Variants in ELF4 observed in about 807,000 individuals in gnomAD.
ELF4 encodes ETS-related transcription factor Elf-4.
A neutral mutation model predicts 31.7 loss-of-function variants in ELF4; 10 were observed. The ratio of observed to expected loss-of-function variants is 0.32; its 90% CI spans 0.19 to 0.54. The LOEUF is 0.54. Among genes scored for constraint, ELF4 ranks in the 20% least tolerant of loss-of-function variants. ELF4 has a pLI of 0.95. For missense variants in ELF4, 418 were observed against 522.0 expected, an observed-to-expected ratio of 0.80 and a Z score of 1.94; for synonymous variants, 208 against 226.7, an observed-to-expected ratio of 0.92 and a Z score of 0.74.
intron 1 of ELF4, among the ~76,000 whole-genome samples, chrX:130,098,588 G>A (rs1933191754): frequency 8.9e-6 from 1 of 111,746 alleles, no homozygotes; most frequent in Non-Finnish European, 1.9e-5. Flanking sequence ...GTCCCAAGCT[G>A]TCTGTGTCCA....
chrX:130,064,873 AT>A lies in ELF4; in HGVS notation c.*1847del, dbSNP rs905962726. 25 of 139,554 alleles carry A rather than the reference AT, an allele frequency of 1.8e-4. No homozygotes were observed. The highest frequency in any genetic ancestry group is 3.5e-4 in the East Asian group (3 of 8,655). 11.5% of individuals were successfully genotyped at this position (139,554 alleles called of 1,213,427 possible). ...AACCCATGCAGCACCTTTATGCAAA[AT>A]TTTTTTTTAATGGTGACCCTTTATC... On this transcript the variant is annotated 3_prime_UTR_variant, in exon 9 of 9. Transcript: ENST00000308167.
At chrX:130,104,561 A>G (rs946049478) in intron 1 of ELF4, among the ~76,000 whole-genome samples, 4 of 111,753 alleles carry the variant, frequency 3.6e-5, no homozygotes, top group Non-Finnish European at 7.5e-5. Context: ...CTGGGTGGGT[A>G]CTATATGCCA....
At chrX:130,108,945 C>T (rs1933424138) in intron 1 of ELF4, among the ~76,000 whole-genome samples, 1 of 111,618 alleles carries the variant, frequency 9.0e-6, no homozygotes, top group Non-Finnish European at 1.9e-5. Context: ...TCACTGAACT[C>T]CAGAGAGCTC....
At chrX:130,111,193 G>A (rs1933484129), upstream of ELF4, among the ~76,000 whole-genome samples, 1 of 107,543 alleles carries the variant, frequency 9.3e-6, no homozygotes, top group South Asian at 3.9e-4. Context: ...CAGAGCCCGC[G>A]TCGTGCGCCG....
At chrX:130,080,453 G>A (rs1433209452) in intron 2 of ELF4, among the ~76,000 whole-genome samples, 2 of 107,145 alleles carry the variant, frequency 1.9e-5, no homozygotes, top group African/African-American at 6.9e-5. Flanking sequence ...TAGGGTAAGG[G>A]ACAGGACTTG....
rs1603196068 is a variant in ELF4, at chrX:130,067,456, C to T, written c.1257G>A (p.Leu419=). Residue 419 remains leucine, a synonymous_variant, in exon 9 of 9, where the codon CTG becomes CTA. Transcript: ENST00000308167. ...APVGSGSALT[L]QTIPLTTVLT... ...GCACCGTGGTCAGTGGGATCGTCTG[C>T]AGGGTCAGGGCCGAGCCCGACCCCA... 8.3e-7 allele frequency: 1 copy of T among 1,211,907 alleles called. No homozygotes were observed. Among genetic ancestry groups the T allele is most frequent in the Non-Finnish European group, 1.1e-6 (1 of 895,509 alleles).
At chrX:130,076,732 T>C (rs1032210593) in intron 2 of ELF4, among the ~76,000 whole-genome samples, 1 of 112,230 alleles carries the variant, frequency 8.9e-6, no homozygotes, top group Non-Finnish European at 1.9e-5. Context: ...TGCCTGGCCA[T>C]AGTTTTATTT....
At chrX:130,111,761 C>G (rs1281112432), upstream of ELF4, among the ~76,000 whole-genome samples, 5 of 112,334 alleles carry the variant, frequency 4.5e-5, no homozygotes, top group Non-Finnish European at 7.5e-5. Context: ...CTCTGCTCCA[C>G]GCGCCCACTT....
intron 1 of ELF4, among the ~76,000 whole-genome samples, chrX:130,092,987 C>T (rs1458110016): frequency 1.9e-5 from 2 of 106,744 alleles, no homozygotes; most frequent in African/African-American, 3.4e-5. Context: ...ACTCAGGTTT[C>T]GAATCTTGAG....
At chrX:130,111,187 G>T (rs1338939936), upstream of ELF4, among the ~76,000 whole-genome samples, 2 of 108,235 alleles carry the variant, frequency 1.8e-5, no homozygotes, top group Non-Finnish European at 3.9e-5. Flanking sequence ...CGCCCGCAGA[G>T]CCCGCGTCGT....
chrX:130,071,850 G>C (rs969794501), intron 5 of ELF4, among the ~76,000 whole-genome samples: 1 of 112,184 alleles, frequency 8.9e-6, no homozygotes, highest in African/African-American at 3.2e-5. Flanking sequence ...ATATGGCCTC[G>C]GCTTTATAAG....
Position 130,065,735 on chromosome X carries a change from G to A in ELF4, c.*986C>T, listed in dbSNP as rs954505304. 3 of 174,637 alleles carry A rather than the reference G, an allele frequency of 1.7e-5. No individual in the cohort carries two copies. The highest frequency in any genetic ancestry group is 1.6e-4 in the Admixed American group (2 of 12,692). The allele number at this position is 174,637 out of a possible 1,213,427, so 14.4% of individuals were successfully genotyped here. On this transcript the variant is annotated 3_prime_UTR_variant, in exon 9 of 9. Transcript: ENST00000308167. ...TGTCAGCAAAGGCTATTGTCTGGCG[G>A]GGGGCCGGTATCACACAAACAGCCC...
intron 1 of ELF4, among the ~76,000 whole-genome samples, chrX:130,098,604 C>T (rs1933191986): frequency 1.8e-5 from 2 of 111,691 alleles, no homozygotes; most frequent in Admixed American, 1.9e-4. Flanking sequence ...GTCCATCCCA[C>T]CCTGGGATCT....
chrX:130,071,470 G>A (rs371941494), intron 5 of ELF4, 51 bp from the exon 6 acceptor site: 201 of 1,149,732 alleles, frequency 1.7e-4, no homozygotes, highest in Non-Finnish European at 2.3e-4. Flanking sequence ...GAGAGGGCCC[G>A]GGAGCTGGCC....
intron 1 of ELF4, among the ~76,000 whole-genome samples, chrX:130,089,509 CAAAAAAAAAAAAAAAAA>C (rs777456574): frequency 5.1e-5 from 1 of 19,459 alleles, no homozygotes; most frequent in East Asian, 2.3e-3. Context: ...GACCTCAGCT[CAAAAAAAAAAAAAAAAA>C]AAAAAAAAAA....
At chrX:130,087,615 G>C (rs1238231684) in intron 1 of ELF4, among the ~76,000 whole-genome samples, 1 of 111,833 alleles carries the variant, frequency 8.9e-6, no homozygotes, top group Non-Finnish European at 1.9e-5. Context: ...TTATAGGTGT[G>C]TGCCACCACG....
Position 130,071,435 on chromosome X carries a change from G to T in ELF4, c.533-16C>A. 8.3e-7 allele frequency: 1 copy of T among 1,205,630 alleles called. No homozygotes were observed. The highest frequency in any genetic ancestry group is 1.8e-5 in the South Asian group (1 of 56,638). The stretch of plus-strand genomic sequence containing the variant: ...GTCTTCCGGACTATGAGGGAAAGGT[G>T]AGTAGGATGAGGAGCAGCTCCCAAG... On this transcript the variant is annotated splice_polypyrimidine_tract_variant and intron_variant, in intron 5 of 8. Coordinates refer to ENST00000308167, the MANE Select transcript of ELF4 (RefSeq NM_001421.4).
intron 2 of ELF4, among the ~76,000 whole-genome samples, chrX:130,079,257 A>T: frequency 9.0e-6 from 1 of 110,681 alleles, no homozygotes. Flanking sequence ...CAGGAGTTCG[A>T]GACCAGCCTG....
chrX:130,090,939 A>G (rs1409627328), intron 1 of ELF4, among the ~76,000 whole-genome samples: 1 of 111,386 alleles, frequency 9.0e-6, no homozygotes, highest in Non-Finnish European at 1.9e-5. Context: ...CAGCCTCCCA[A>G]GTAGCTGGAA....
Sources: gnomAD v4.1 joint callset for allele counts (sites outside exome capture counted in the v4.1 genomes callset) on GRCh38, gnomAD v4.1.1 for gene constraint, MANE v1.5 for transcripts, NCBI Gene and HGNC (gene_info 2026-07-23, HGNC 2026-07-21) for gene names.